The following SUGCT variants were observed in gnomAD, a reference collection of about 807,000 sequenced individuals.
The protein encoded by SUGCT is succinyl-CoA:glutarate CoA-transferase.
Under a neutral mutation model 55.0 loss-of-function variants are expected in SUGCT, and 41 were observed. That is an observed-to-expected ratio of 0.74 (90% CI 0.58 to 0.97). SUGCT has a LOEUF of 0.97. Among genes scored for constraint, SUGCT ranks in the 50% least tolerant of loss-of-function variants. The pLI is 0.00. For missense variants in SUGCT, 568 were observed against 547.8 expected, an observed-to-expected ratio of 1.04 and a Z score of -0.37; for synonymous variants, 187 against 200.4, an observed-to-expected ratio of 0.93 and a Z score of 0.56.
intron 12 of SUGCT, among the ~76,000 whole-genome samples, chr7:40,557,705 G>A (rs566287178): frequency 1.8e-3 from 278 of 151,782 alleles, no homozygotes; most frequent in African/African-American, 6.4e-3. Context: ...CCCAGGAGGC[G>A]GAGGTTGCAG....
chr7:40,860,608 C>T lies in SUGCT; in HGVS notation c.*129C>T. 1.1e-6 allele frequency: 1 copy of T among 937,204 alleles called. No homozygotes were observed. The highest frequency in any genetic ancestry group is 1.5e-6 in the Non-Finnish European group (1 of 665,144). 58.1% of individuals were successfully genotyped at this position (937,204 alleles called of 1,614,324 possible). A position where few individuals can be genotyped will look rare whatever the true frequency, so the allele number is the denominator to read the frequency against. ...ATTTAGAGTAACTCCAGATTTCTTA[C>T]ATGGCATCTCCAGAATGGCTCTGGT... is the stretch of plus-strand genomic sequence containing the variant. On this transcript the variant is annotated 3_prime_UTR_variant, in exon 14 of 14. Transcript: ENST00000335693.
At chr7:40,902,699 A>G in the SUGCT span, among the ~76,000 whole-genome samples, 51 of 152,154 alleles carry the variant, frequency 3.4e-4, no homozygotes, top group African/African-American at 1.1e-3. Flanking sequence ...AAATCTTAAT[A>G]TAAATGAAAT....
intron 6 of SUGCT, among the ~76,000 whole-genome samples, chr7:40,207,266 A>G (rs997578877): frequency 6.6e-6 from 1 of 152,132 alleles, no homozygotes; most frequent in African/African-American, 2.4e-5. Flanking sequence ...TTGAATACAC[A>G]TTGCTTCAAA....
At position 40,695,165 on chromosome 7, in the gene SUGCT, AT is replaced by A. The variant is rs575113951; in HGVS notation, c.1090-54264del. Among the ~76,000 whole-genome samples the A allele has an allele frequency of 6.0e-4, 81 of 135,588 alleles. No individual in the cohort carries two copies. In the East Asian group the frequency reaches 9.7e-3, roughly 16 times the overall value. 89.0% of individuals were successfully genotyped at this position (135,588 alleles called of 152,430 possible). Reference sequence around the variant, plus strand: ...ATTAATGTTATCTACCTAAACCCTTATTTTTATTTATTTATTTATTTATTTA... The same window carrying A: ...ATTAATGTTATCTACCTAAACCCTTATTTTATTTATTTATTTATTTATTTA... On this transcript the variant is annotated intron_variant, in intron 12 of 13. Transcript: ENST00000335693.
intron 13 of SUGCT, among the ~76,000 whole-genome samples, chr7:40,849,727 G>A (rs1202209168): frequency 6.6e-6 from 1 of 151,964 alleles, no homozygotes; most frequent in African/African-American, 2.4e-5. Context: ...CACCGGGACC[G>A]TGTTACGGAG....
At chr7:40,377,208 CT>C (rs371555042) in intron 9 of SUGCT, among the ~76,000 whole-genome samples, 1,109 of 5,224 alleles carry the variant, frequency 0.21, 293 homozygotes, top group South Asian at 0.5. Context: ...CTTTTCTTTT[CT>C]TTTCTTTCTT....
the SUGCT span, among the ~76,000 whole-genome samples, chr7:40,890,635 C>T: frequency 6.6e-6 from 1 of 152,094 alleles, no homozygotes; most frequent in Non-Finnish European, 1.5e-5. Flanking sequence ...GCCCACAAGC[C>T]CCACCAGTTA....
chr7:40,731,955 G>A (rs1264097687), intron 12 of SUGCT, among the ~76,000 whole-genome samples: 3 of 152,140 alleles, frequency 2.0e-5, no homozygotes, highest in Non-Finnish European at 4.4e-5. Flanking sequence ...TGTTTAGATA[G>A]GGGTACATGA....
chr7:40,610,251 A>G (rs1450547628), intron 12 of SUGCT, among the ~76,000 whole-genome samples: 1 of 152,206 alleles, frequency 6.6e-6, no homozygotes, highest in African/African-American at 2.4e-5. Flanking sequence ...CACATTAAGG[A>G]AATATTTATA....
chr7:40,829,348 T>C (rs1038257819), intron 13 of SUGCT, among the ~76,000 whole-genome samples: 5 of 152,208 alleles, frequency 3.3e-5, no homozygotes, highest in Admixed American at 6.5e-5. Flanking sequence ...TGCCATACAC[T>C]GTTGCTCTAA....
At chr7:40,965,884 T>A in the SUGCT span, 2 of 152,238 alleles carry the variant, frequency 1.3e-5, no homozygotes, top group Admixed American at 1.3e-4. Flanking sequence ...GAAAGAAGAC[T>A]GTTGGTTGAA....
chr7:40,706,862 C>T (rs925523191), intron 12 of SUGCT, among the ~76,000 whole-genome samples: 12 of 152,168 alleles, frequency 7.9e-5, no homozygotes, highest in Non-Finnish European at 5.9e-5. Flanking sequence ...AATCTGGCTG[C>T]CTCCTTTTTT....
intron 12 of SUGCT, among the ~76,000 whole-genome samples, chr7:40,533,335 T>G (rs1794191755): frequency 6.6e-6 from 1 of 152,118 alleles, no homozygotes; most frequent in East Asian, 1.9e-4. Flanking sequence ...GCTCTCAAAA[T>G]ATAAACAAGC....
At chr7:40,383,720 G>T (rs1784982635) in intron 9 of SUGCT, among the ~76,000 whole-genome samples, 1 of 152,218 alleles carries the variant, frequency 6.6e-6, no homozygotes, top group Non-Finnish European at 1.5e-5. Flanking sequence ...CGGAGGAAAT[G>T]ATAATTGAGC....
At chr7:40,192,783 C>G (rs1785992304) in intron 5 of SUGCT, among the ~76,000 whole-genome samples, 2 of 151,676 alleles carry the variant, frequency 1.3e-5, no homozygotes, top group Admixed American at 6.6e-5. Context: ...AGGTGCCCAC[C>G]ACCATGCCTG....
intron 9 of SUGCT, among the ~76,000 whole-genome samples, chr7:40,405,315 G>T (rs1786297748): frequency 1.3e-5 from 2 of 152,162 alleles, no homozygotes; most frequent in Non-Finnish European, 1.5e-5. Context: ...TATAGGATAT[G>T]TTATATAAAT....
intron 13 of SUGCT, chr7:40,785,327 G>A (rs781597057): frequency 1.3e-5 from 2 of 152,162 alleles, no homozygotes; most frequent in Non-Finnish European, 2.9e-5. Flanking sequence ...TTGACAATGT[G>A]GCAGTCTTCA....
intron 12 of SUGCT, among the ~76,000 whole-genome samples, chr7:40,519,502 T>C (rs1161008599): frequency 6.6e-6 from 1 of 151,880 alleles, no homozygotes; most frequent in African/African-American, 2.4e-5. Flanking sequence ...ATAAATAAAA[T>C]ATTCAGTGAA....
intron 12 of SUGCT, among the ~76,000 whole-genome samples, chr7:40,719,804 T>G (rs574384208): frequency 2.2e-3 from 333 of 152,144 alleles, no homozygotes; most frequent in Admixed American, 4.0e-3. Flanking sequence ...CAATTCTGTT[T>G]TGTTTTGTTT....
Sources: gnomAD v4.1 joint callset for allele counts (sites outside exome capture counted in the v4.1 genomes callset) on GRCh38, gnomAD v4.1.1 for gene constraint, MANE v1.5 for transcripts, NCBI Gene and HGNC (gene_info 2026-07-23, HGNC 2026-07-21) for gene names.